CNBD1: variants seen among roughly 807,000 people sequenced by gnomAD.
CNBD1 encodes the protein cyclic nucleotide binding domain containing 1, also known as cyclic nucleotide-binding domain-containing protein 1.
In CNBD1, 71 loss-of-function variants were observed where a neutral mutation model predicts 54.4. That is an observed-to-expected ratio of 1.30 (90% CI 1.08 to 1.59). The LOEUF (loss-of-function observed/expected upper bound fraction) is 1.59. Ranked by LOEUF, CNBD1 falls within the 40% of genes most tolerant of loss-of-function variation. CNBD1 has a pLI of 0.00. For synonymous variants in CNBD1, 182 were observed against 170.7 expected (o/e 1.07, Z -0.51); for missense variants, 659 against 518.0 (o/e 1.27, Z -2.64).
intron 6 of CNBD1, among the ~76,000 whole-genome samples, chr8:87,254,806 G>A (rs777655288): frequency 2.8e-4 from 42 of 152,218 alleles, no homozygotes; most frequent in South Asian, 1.0e-3. Flanking sequence ...TTTATTTAGC[G>A]TTAGGTCAGT....
At chr8:87,390,319 G>A (rs1211506732) in intron 2 of CNBD1, among the ~76,000 whole-genome samples, 2 of 152,094 alleles carry the variant, frequency 1.3e-5, no homozygotes, top group South Asian at 2.1e-4. Flanking sequence ...GCAACCTACA[G>A]TATGGGAAAA....
chr8:87,014,592 C>T (rs570983125), intron 4 of CNBD1, among the ~76,000 whole-genome samples: 1 of 151,910 alleles, frequency 6.6e-6, no homozygotes, highest in East Asian at 1.9e-4. Context: ...AGGTAAACTA[C>T]AAGATTAATT....
chr8:86,896,396 A>T (rs913940959), intron 2 of CNBD1, among the ~76,000 whole-genome samples: 1 of 152,152 alleles, frequency 6.6e-6, no homozygotes, highest in Non-Finnish European at 1.5e-5. Context: ...TAATATGAAC[A>T]TTCTAACAAT....
intron 8 of CNBD1, among the ~76,000 whole-genome samples, chr8:87,332,428 A>C (rs1809855512): frequency 6.6e-6 from 1 of 151,340 alleles, no homozygotes; most frequent in African/African-American, 2.4e-5. Flanking sequence ...AATTGCTTTT[A>C]GCGATTTCAT....
intron 6 of CNBD1, among the ~76,000 whole-genome samples, chr8:87,239,390 C>A (rs1056341888): frequency 2.6e-5 from 4 of 152,006 alleles, no homozygotes; most frequent in Non-Finnish European, 5.9e-5. Flanking sequence ...TGTGTATTTA[C>A]TTAGTGGGCC....
chr8:86,942,640 T>C (rs190435318), intron 4 of CNBD1, among the ~76,000 whole-genome samples: 2 of 152,340 alleles, frequency 1.3e-5, no homozygotes, highest in Non-Finnish European at 2.9e-5. Context: ...AGTCTGTTTC[T>C]CTCTCTGTTA....
At chr8:87,139,232 A>G (rs1812322734) in intron 4 of CNBD1, among the ~76,000 whole-genome samples, 2 of 152,250 alleles carry the variant, frequency 1.3e-5, no homozygotes, top group Non-Finnish European at 2.9e-5. Context: ...AATTCAAAGT[A>G]AAACAGAAAA....
chr8:86,893,949 A>G (rs2131796279), intron 2 of CNBD1, among the ~76,000 whole-genome samples: 1 of 151,082 alleles, frequency 6.6e-6, no homozygotes, highest in South Asian at 2.1e-4. Flanking sequence ...TATAAGTGGA[A>G]TTACATTCTC....
chr8:87,320,596 G>C (rs1216351637), intron 8 of CNBD1, among the ~76,000 whole-genome samples: 3 of 144,692 alleles, frequency 2.1e-5, no homozygotes, highest in African/African-American at 5.3e-5. Context: ...AAAAGAAAGT[G>C]TGTGTATGTG....
rs533674577 is a variant in CNBD1, at chr8:87,382,189, C to A, written c.1304-431C>A. Among the ~76,000 whole-genome samples the A allele has an allele frequency of 2.6e-5, 4 of 151,958 alleles. No individual in the cohort carries two copies. In the South Asian group the frequency reaches 8.3e-4, roughly 32 times the overall value. On this transcript the variant is annotated intron_variant, in intron 10 of 10. Coordinates refer to ENST00000518476, the MANE Select transcript of CNBD1 (RefSeq NM_173538.3). ...AATGTTCATGGAATTTAATATAGCT[C>A]TGTTCAGCATTTTGGCATTTCCTAT...
At chr8:86,926,243 C>A (rs2131829744) in intron 3 of CNBD1, among the ~76,000 whole-genome samples, 1 of 152,296 alleles carries the variant, frequency 6.6e-6, no homozygotes, top group Non-Finnish European at 1.5e-5. Flanking sequence ...GAGAACTGGG[C>A]AATGACTGCT....
chr8:87,323,417 T>C (rs1237547483), intron 8 of CNBD1, among the ~76,000 whole-genome samples: 1 of 139,508 alleles, frequency 7.2e-6, no homozygotes, highest in African/African-American at 2.7e-5. Flanking sequence ...TTTCACGATA[T>C]TGATTCTTCC....
chr8:87,012,282 C>A (rs549385548), intron 4 of CNBD1, among the ~76,000 whole-genome samples: 1 of 152,088 alleles, frequency 6.6e-6, no homozygotes, highest in African/African-American at 2.4e-5. Flanking sequence ...GGGTTGAAGA[C>A]TAAGCTCTGA....
At chr8:87,021,419 A>G (rs761829908) in intron 4 of CNBD1, among the ~76,000 whole-genome samples, 1 of 152,248 alleles carries the variant, frequency 6.6e-6, no homozygotes, top group Non-Finnish European at 1.5e-5. Flanking sequence ...AGAAATGTGT[A>G]TGAATAATAA....
At chr8:87,421,138 A>T (rs1807927074) in intron 2 of CNBD1, among the ~76,000 whole-genome samples, 1 of 152,096 alleles carries the variant, frequency 6.6e-6, no homozygotes, top group African/African-American at 2.4e-5. Flanking sequence ...CCAACAGTGT[A>T]CTGGGAGCTG....
intron 5 of CNBD1, among the ~76,000 whole-genome samples, chr8:87,218,033 G>T (rs1485561909): frequency 6.6e-6 from 1 of 151,982 alleles, no homozygotes; most frequent in Non-Finnish European, 1.5e-5. Flanking sequence ...TTTATTTTTA[G>T]AGGTAAAAAA....
intron 4 of CNBD1, among the ~76,000 whole-genome samples, chr8:87,079,528 G>A (rs899581856): frequency 3.9e-5 from 6 of 151,978 alleles, no homozygotes; most frequent in African/African-American, 1.4e-4. Flanking sequence ...ATGTGTAGTA[G>A]CATCACATTA....
intron 2 of CNBD1, among the ~76,000 whole-genome samples, chr8:86,893,521 G>A (rs2131795931): frequency 6.6e-6 from 1 of 152,236 alleles, no homozygotes; most frequent in East Asian, 1.9e-4. Context: ...AGTTGCTATA[G>A]ATAATCGCTA....
In CNBD1 at chr8:86,883,182, T is replaced by TA. The variant is rs35388299; in HGVS notation, c.89-4348dup. On this transcript the variant is annotated intron_variant, in intron 1 of 10. Transcript: ENST00000518476. ...TGCATGTTCCCTGGAACTTAAAAGT[T>TA]AAAAAAAAAAAATAGATTGGTGACA... 7.7e-3 allele frequency among the ~76,000 whole-genome samples: 1,151 copies of TA among 149,564 alleles called. 4 individuals carry two copies. Among genetic ancestry groups the TA allele is most frequent in the East Asian group, 0.018 (94 of 5,096 alleles).
Sources: allele counts gnomAD v4.1 joint callset (sites outside exome capture counted in the v4.1 genomes callset), GRCh38; gene constraint gnomAD v4.1.1; transcripts MANE v1.5; gene names NCBI Gene and HGNC (gene_info 2026-07-23, HGNC 2026-07-21).